Variants in HNMT observed in about 807,000 individuals in gnomAD.
HNMT encodes histamine N-methyltransferase.
Under a neutral mutation model 32.1 loss-of-function variants are expected in HNMT, and 30 were observed. The ratio of observed to expected loss-of-function variants is 0.93; its 90% CI spans 0.70 to 1.27. HNMT has a LOEUF of 1.27. Among genes scored for constraint, HNMT ranks in the 50% most tolerant of loss-of-function variants. The pLI is 0.00. For synonymous variants in HNMT, 125 were observed against 119.0 expected (o/e 1.05, Z -0.33); for missense variants, 327 against 346.0 (o/e 0.95, Z 0.43).
At chr2:138,006,744 A>G (rs1378321) in intron 5 of HNMT, among the ~76,000 whole-genome samples, 35,269 of 151,880 alleles carry the variant, frequency 0.23, 4,313 homozygotes, top group South Asian at 0.3. Flanking sequence ...GGCACTTTTA[A>G]CTATGTGAAT....
rs114652842 is a variant in HNMT at position 137,967,182 on chromosome 2, G to A, written c.137+2554G>A. ...TCCTAGCACTTCGGGAGGCTGAGGC[G>A]GGAGGATTACTTGAGCCTAGGAGTT... On this transcript the variant is annotated intron_variant, in intron 1 of 5. Coordinates refer to ENST00000280097, the MANE Select transcript of HNMT (RefSeq NM_006895.3). 2,118 of 754,200 alleles carry A rather than the reference G, an allele frequency of 2.8e-3. 20 individuals are homozygous for A. The highest frequency in any genetic ancestry group is 0.027 in the African/African-American group (1,589 of 58,792). The allele number at this position is 754,200 out of a possible 1,614,324, so 46.7% of individuals were successfully genotyped here. A position where few individuals can be genotyped will look rare whatever the true frequency, so the allele number is the denominator to read the frequency against.
At chr2:137,994,046 G>A (rs374799856) in intron 2 of HNMT, among the ~76,000 whole-genome samples, 3 of 152,284 alleles carry the variant, frequency 2.0e-5, no homozygotes, top group East Asian at 3.9e-4. Context: ...GGAAAAGCCA[G>A]GAGCAGCCAC....
Position 138,014,404 on chromosome 2 carries a change from A to G in HNMT, c.*274A>G. On this transcript the variant is annotated 3_prime_UTR_variant, in exon 6 of 6. Transcript: ENST00000280097. ...TTAGATGACTGAATTTCTATGGCAT[A>G]TTGATAATAAAATTCATTCCATTTG... 1 of 301,078 alleles carries G rather than the reference A, an allele frequency of 3.3e-6. No individual in the cohort carries two copies. Among genetic ancestry groups the G allele is most frequent in the Non-Finnish European group, 6.2e-6 (1 of 162,428 alleles). 18.7% of individuals were successfully genotyped at this position (301,078 alleles called of 1,614,324 possible). A position where few individuals can be genotyped will look rare whatever the true frequency, so the allele number is the denominator to read the frequency against.
In HNMT at chr2:138,014,316, A is replaced by G; in HGVS notation, c.*186A>G. 1 of 493,748 alleles carries G rather than the reference A, an allele frequency of 2.0e-6. No individual in the cohort carries two copies. The highest frequency in any genetic ancestry group is 3.6e-6 in the Non-Finnish European group (1 of 280,260). The allele number at this position is 493,748 out of a possible 1,614,324, so 30.6% of individuals were successfully genotyped here. A position where few individuals can be genotyped will look rare whatever the true frequency, so the allele number is the denominator to read the frequency against. ...AATCATATGGGATACTGCTGGTCTT[A>G]TCCTGTCCCTCCTCCAGGTAGAGAG... On this transcript the variant is annotated 3_prime_UTR_variant, in exon 6 of 6. Coordinates refer to ENST00000280097, the MANE Select transcript of HNMT (RefSeq NM_006895.3).
At chr2:138,004,987 C>A in intron 4 of HNMT, 145 bp from the exon 5 acceptor site, 1 of 563,474 alleles carries the variant, frequency 1.8e-6, no homozygotes, top group Non-Finnish European at 3.2e-6. Flanking sequence ...CTTCATGCAA[C>A]GTCTTTAATC....
chr2:137,995,540 AG>A (rs1245642757), intron 2 of HNMT, among the ~76,000 whole-genome samples: 1 of 152,236 alleles, frequency 6.6e-6, no homozygotes, highest in African/African-American at 2.4e-5. Context: ...TACCAACCAA[AG>A]AAAGCCCAGG....
At chr2:138,005,775 G>T (rs1681314000) in intron 5 of HNMT, among the ~76,000 whole-genome samples, 1 of 152,002 alleles carries the variant, frequency 6.6e-6, no homozygotes. Flanking sequence ...AGCATGTCCA[G>T]TTGCTGCCAG....
intron 2 of HNMT, among the ~76,000 whole-genome samples, chr2:137,984,740 G>T (rs1680601844): frequency 6.6e-6 from 1 of 152,100 alleles, no homozygotes; most frequent in African/African-American, 2.4e-5. Context: ...GTCGAAGATT[G>T]TTGGTAAGTT....
At chr2:137,983,436 C>T (rs189235427) in intron 2 of HNMT, among the ~76,000 whole-genome samples, 1 of 152,102 alleles carries the variant, frequency 6.6e-6, no homozygotes, top group African/African-American at 2.4e-5. Context: ...ATACAATATA[C>T]ATATAGTGTA....
At chr2:137,992,735 A>T (rs935117196) in intron 2 of HNMT, among the ~76,000 whole-genome samples, 1 of 152,034 alleles carries the variant, frequency 6.6e-6, no homozygotes, top group Admixed American at 6.6e-5. Flanking sequence ...ACTGGGTGAG[A>T]CCCTCCAATA....
At chr2:138,009,222 G>A (rs537234401) in intron 5 of HNMT, among the ~76,000 whole-genome samples, 1 of 152,062 alleles carries the variant, frequency 6.6e-6, no homozygotes, top group Non-Finnish European at 1.5e-5. Context: ...CAGTCAGAAT[G>A]ACTATTTATT....
intron 2 of HNMT, among the ~76,000 whole-genome samples, chr2:137,993,625 C>A (rs1680893787): frequency 6.6e-6 from 1 of 152,200 alleles, no homozygotes; most frequent in Admixed American, 6.5e-5. Flanking sequence ...TCCAGGAGAA[C>A]TTCCTCAATC....
chr2:138,002,344 G>C, intron 4 of HNMT, 150 bp downstream of exon 4: 1 of 1,075,806 alleles, frequency 9.3e-7, no homozygotes, highest in South Asian at 4.3e-5. Flanking sequence ...CAAATAAAAG[G>C]TAAAGATGTT....
At chr2:137,970,938 AAAGAAAG>A (rs1558951028) in intron 2 of HNMT, among the ~76,000 whole-genome samples, 163 of 10,214 alleles carry the variant, frequency 0.016, 2 homozygotes, top group Admixed American at 0.018. Context: ...AAAAAAAAAG[AAAGAAAG>A]AAAGAAAGAA....
At chr2:137,985,709 C>T (rs947946469) in intron 2 of HNMT, among the ~76,000 whole-genome samples, 8 of 152,160 alleles carry the variant, frequency 5.3e-5, no homozygotes, top group Admixed American at 2.0e-4. Context: ...ACTCAGAAGA[C>T]CAGTTCTTTG....
intron 2 of HNMT, among the ~76,000 whole-genome samples, chr2:137,984,707 T>C (rs549318395): frequency 6.6e-6 from 1 of 152,346 alleles, no homozygotes; most frequent in Admixed American, 6.5e-5. Flanking sequence ...TTAACTATAT[T>C]AATCAGTTGT....
chr2:138,006,594 T>G (rs986593676), intron 5 of HNMT, among the ~76,000 whole-genome samples: 2 of 152,020 alleles, frequency 1.3e-5, no homozygotes, highest in Non-Finnish European at 1.5e-5. Flanking sequence ...GAGAACTGAT[T>G]AAGTGCCCTT....
intron 2 of HNMT, among the ~76,000 whole-genome samples, chr2:137,983,959 C>T (rs1558957298): frequency 6.6e-6 from 1 of 152,152 alleles, no homozygotes; most frequent in Non-Finnish European, 1.5e-5. Flanking sequence ...GTCGAGGTGA[C>T]CTATTCTGGT....
chr2:137,978,775 T>G (rs1049048504), intron 2 of HNMT, among the ~76,000 whole-genome samples: 1 of 139,694 alleles, frequency 7.2e-6, no homozygotes, highest in Admixed American at 7.3e-5. Flanking sequence ...TATAATATAG[T>G]ATTATATAAT....
Sources: allele counts gnomAD v4.1 joint callset (sites outside exome capture counted in the v4.1 genomes callset), GRCh38; gene constraint gnomAD v4.1.1; transcripts MANE v1.5; gene names NCBI Gene and HGNC (gene_info 2026-07-23, HGNC 2026-07-21).